Variants in MNAT1 observed in about 807,000 individuals in gnomAD.
The protein encoded by MNAT1 is CDK-activating kinase assembly factor MAT1.
MNAT1 carries 43 observed loss-of-function variants against 42.0 expected under a neutral mutation model. That is an observed-to-expected ratio of 1.02 (90% CI 0.80 to 1.32). MNAT1 has a LOEUF of 1.32. MNAT1 is among the 40% of genes most tolerant of loss of function. The probability of loss-of-function intolerance (pLI) is 0.00; values close to 1 mark genes in which losing one functional copy is unlikely to be tolerated. For synonymous variants in MNAT1, 118 were observed against 120.0 expected (o/e 0.98, Z 0.11); for missense variants, 306 against 350.4 (o/e 0.87, Z 1.01).
chr14:60,792,214 G>A (rs1394551234), intron 1 of MNAT1, among the ~76,000 whole-genome samples: 3 of 152,060 alleles, frequency 2.0e-5, no homozygotes, highest in East Asian at 3.9e-4. Context: ...TTAATTAACT[G>A]GTGATCATTT....
Position 60,968,697 on chromosome 14 carries a change from C to T in MNAT1, c.*348C>T, listed in dbSNP as rs2036728864. 1 of 378,110 alleles carries T rather than the reference C, an allele frequency of 2.6e-6. No individual in the cohort carries two copies. The highest frequency in any genetic ancestry group is 2.2e-5 in the African/African-American group (1 of 45,620). The allele number at this position is 378,110 out of a possible 1,614,324, so 23.4% of individuals were successfully genotyped here. On this transcript the variant is annotated 3_prime_UTR_variant, in exon 8 of 8. Transcript: ENST00000261245. ...TTATATTAAGTTCTGTGGTTTTTCT[C>T]TTATTACAGTGTTTTACTTGAACAC...
chr14:60,894,171 T>C (rs1433976381), intron 7 of MNAT1, among the ~76,000 whole-genome samples: 7 of 152,092 alleles, frequency 4.6e-5, no homozygotes, highest in Non-Finnish European at 4.4e-5. Context: ...GTGGTTGGTT[T>C]CTCTTTCCTG....
intron 7 of MNAT1, among the ~76,000 whole-genome samples, chr14:60,909,350 G>T (rs1345009133): frequency 6.6e-6 from 1 of 151,994 alleles, no homozygotes; most frequent in African/African-American, 2.4e-5. Flanking sequence ...TGTCAATTTT[G>T]GCTTTTGTTG....
At chr14:60,901,698 A>G (rs1331517714) in intron 7 of MNAT1, among the ~76,000 whole-genome samples, 1 of 152,218 alleles carries the variant, frequency 6.6e-6, no homozygotes, top group Non-Finnish European at 1.5e-5. Flanking sequence ...TGGAAGAAGT[A>G]ACCGCAAATG....
chr14:60,794,186 G>A (rs1004161642), intron 1 of MNAT1, among the ~76,000 whole-genome samples: 3 of 152,064 alleles, frequency 2.0e-5, no homozygotes, highest in Non-Finnish European at 4.4e-5. Context: ...TAGTATAGTT[G>A]TAAAGTTTGC....
At chr14:60,803,424 C>T (rs766873705) in intron 3 of MNAT1, among the ~76,000 whole-genome samples, 2 of 152,168 alleles carry the variant, frequency 1.3e-5, no homozygotes, top group Admixed American at 1.3e-4. Flanking sequence ...TTTTGAAACT[C>T]TAAGAGACAG....
intron 6 of MNAT1, among the ~76,000 whole-genome samples, chr14:60,867,819 A>G (rs2034239243): frequency 6.6e-6 from 1 of 152,022 alleles, no homozygotes; most frequent in African/African-American, 2.4e-5. Flanking sequence ...CAGTGCCAGG[A>G]GAAGTACATA....
At chr14:60,966,364 C>T (rs1212747877) in intron 7 of MNAT1, among the ~76,000 whole-genome samples, 2 of 152,094 alleles carry the variant, frequency 1.3e-5, no homozygotes, top group East Asian at 3.9e-4. Context: ...AGGTGATCCA[C>T]CTGCCTCGGC....
intron 6 of MNAT1, among the ~76,000 whole-genome samples, chr14:60,830,894 T>C (rs1185933319): frequency 6.6e-6 from 1 of 152,052 alleles, no homozygotes; most frequent in Non-Finnish European, 1.5e-5. Flanking sequence ...AAGGATTACA[T>C]TCAGTTATTT....
rs1406056582 is a variant in MNAT1, at chr14:60,812,096, G to C, written c.530G>C (p.Arg177Thr). The change falls in exon 5 of 8, where the codon AGG (arginine) becomes ACG (threonine). Residue 177 changes from arginine (R) to threonine (T), a missense_variant. Physicochemically the swap from Arg to Thr is moderately conservative, Grantham distance 71. Coordinates refer to ENST00000261245, the MANE Select transcript of MNAT1 (RefSeq NM_002431.4). ...KEEQLQQILK[R>T]KNKQAFLDEL... ...GAACAACTGCAGCAGATTCTAAAAA[G>C]GAAGAATAAGCAGGCTTTTTTAGAT... 1 of 1,587,180 alleles carries C rather than the reference G, an allele frequency of 6.3e-7. No individual in the cohort carries two copies. The highest frequency in any genetic ancestry group is 8.5e-7 in the Non-Finnish European group (1 of 1,170,266).
chr14:60,916,054 G>A (rs371784131), intron 7 of MNAT1, among the ~76,000 whole-genome samples: 1 of 152,142 alleles, frequency 6.6e-6, no homozygotes, highest in Admixed American at 6.5e-5. Flanking sequence ...CCATGAAGCA[G>A]GTCTTCTTCC....
intron 7 of MNAT1, among the ~76,000 whole-genome samples, chr14:60,902,905 A>G (rs1191061055): frequency 3.3e-5 from 5 of 152,024 alleles, no homozygotes; most frequent in Non-Finnish European, 5.9e-5. Flanking sequence ...ACCTAGTTCT[A>G]TTAGGTGAAT....
intron 1 of MNAT1, among the ~76,000 whole-genome samples, chr14:60,781,716 A>G (rs536631130): frequency 4.3e-4 from 65 of 152,248 alleles, no homozygotes; most frequent in Non-Finnish European, 9.1e-4. Context: ...TAATTTGATA[A>G]AAGTTTAAAG....
At chr14:60,898,366 T>C (rs768604112) in intron 7 of MNAT1, among the ~76,000 whole-genome samples, 1 of 152,118 alleles carries the variant, frequency 6.6e-6, no homozygotes, top group Non-Finnish European at 1.5e-5. Flanking sequence ...GTAATGGTTA[T>C]ACCAATTTGC....
chr14:60,869,264 C>T (rs185417633), intron 6 of MNAT1, among the ~76,000 whole-genome samples: 269 of 150,922 alleles, frequency 1.8e-3, no homozygotes, highest in African/African-American at 6.4e-3. Context: ...TGGTCTCAAA[C>T]TGCTGAGCTC....
chr14:60,759,217 A>G (rs2030493310), intron 1 of MNAT1, among the ~76,000 whole-genome samples: 2 of 152,178 alleles, frequency 1.3e-5, no homozygotes, highest in Admixed American at 1.3e-4. Context: ...CTACTGTAAT[A>G]TATGCTAAAA....
chr14:60,773,928 G>A (rs2031157017), intron 1 of MNAT1, among the ~76,000 whole-genome samples: 1 of 152,188 alleles, frequency 6.6e-6, no homozygotes, highest in Admixed American at 6.5e-5. Context: ...TAGGGATTTT[G>A]GAAAATGAAT....
At chr14:60,766,636 C>T (rs935996281) in intron 1 of MNAT1, among the ~76,000 whole-genome samples, 9 of 151,790 alleles carry the variant, frequency 5.9e-5, no homozygotes, top group South Asian at 2.1e-4. Context: ...TGCTTGAACC[C>T]GGGAGGCAGA....
intron 7 of MNAT1, among the ~76,000 whole-genome samples, chr14:60,882,335 T>G (rs1389470209): frequency 6.6e-6 from 1 of 152,204 alleles, no homozygotes; most frequent in African/African-American, 2.4e-5. Flanking sequence ...ATGCTAAGTT[T>G]GTCTTTCTGT....
Sources: gnomAD v4.1 joint callset for allele counts (sites outside exome capture counted in the v4.1 genomes callset) on GRCh38, gnomAD v4.1.1 for gene constraint, MANE v1.5 for transcripts, NCBI Gene and HGNC (gene_info 2026-07-23, HGNC 2026-07-21) for gene names.